The following CDH9 variants were observed in gnomAD, a reference collection of about 807,000 sequenced individuals.
CDH9 encodes cadherin 9.
In CDH9, 28 loss-of-function variants were observed where a neutral mutation model predicts 70.9. The ratio of observed to expected loss-of-function variants is 0.40; its 90% CI spans 0.29 to 0.54. The LOEUF (loss-of-function observed/expected upper bound fraction) is 0.54, where lower values mean the gene tolerates loss of function less well. CDH9 is among the 20% of genes least tolerant of loss of function. CDH9 has a pLI of 0.59. For synonymous variants in CDH9, 409 were observed against 343.1 expected, an observed-to-expected ratio of 1.19 and a Z score of -2.12; for missense variants, 874 against 984.4, an observed-to-expected ratio of 0.89 and a Z score of 1.50.
chr5:26,909,536 CT>C (rs200596019), intron 3 of CDH9, among the ~76,000 whole-genome samples: 9,962 of 140,124 alleles, frequency 0.071, 368 homozygotes, highest in East Asian at 0.14. Context: ...CATTTTTTTT[CT>C]TTTTTTTTTT....
chr5:26,918,900 C>T (rs1741194409), intron 2 of CDH9, among the ~76,000 whole-genome samples: 1 of 152,144 alleles, frequency 6.6e-6, no homozygotes, highest in Non-Finnish European at 1.5e-5. Context: ...TCTTGAGATC[C>T]AATTCCTTAT....
chr5:27,016,735 G>T (rs914378221), intron 1 of CDH9, among the ~76,000 whole-genome samples: 5 of 151,762 alleles, frequency 3.3e-5, no homozygotes, highest in Admixed American at 2.6e-4. Flanking sequence ...GTCAAAACTT[G>T]GGTTATAAGC....
At chr5:26,950,813 G>T (rs1741831694) in intron 2 of CDH9, among the ~76,000 whole-genome samples, 1 of 152,084 alleles carries the variant, frequency 6.6e-6, no homozygotes, top group African/African-American at 2.4e-5. Context: ...AATTATATGA[G>T]TAAAATCCAA....
intron 2 of CDH9, among the ~76,000 whole-genome samples, chr5:26,931,244 C>A (rs779017000): frequency 6.6e-6 from 1 of 151,932 alleles, no homozygotes; most frequent in African/African-American, 2.4e-5. Context: ...AATCCTGCTG[C>A]GAGGAGAAAA....
chr5:26,910,174 A>G (rs1482896761), intron 3 of CDH9, among the ~76,000 whole-genome samples: 1 of 152,090 alleles, frequency 6.6e-6, no homozygotes, highest in African/African-American at 2.4e-5. Context: ...TGAAATATTT[A>G]AAATCGCAAA....
intron 1 of CDH9, among the ~76,000 whole-genome samples, chr5:26,991,367 C>T (rs1742576639): frequency 6.6e-6 from 1 of 152,214 alleles, no homozygotes; most frequent in Non-Finnish European, 1.5e-5. Flanking sequence ...CCCACATGCA[C>T]AGGATGCCTA....
chr5:26,935,358 T>C (rs10072642), intron 2 of CDH9, among the ~76,000 whole-genome samples: 14,681 of 152,146 alleles, frequency 0.096, 888 homozygotes, highest in East Asian at 0.19. Context: ...ATCACTCCTA[T>C]TCAACATATT....
intron 1 of CDH9, among the ~76,000 whole-genome samples, chr5:27,026,679 C>T (rs998553589): frequency 7.9e-5 from 12 of 151,806 alleles, no homozygotes; most frequent in African/African-American, 2.4e-4. Flanking sequence ...ACATTTGGTG[C>T]TAATGCTTGA....
intron 1 of CDH9, among the ~76,000 whole-genome samples, chr5:27,007,038 T>G (rs1742876538): frequency 6.6e-6 from 1 of 152,132 alleles, no homozygotes; most frequent in African/African-American, 2.4e-5. Context: ...TTGATTTATA[T>G]AGCAAGTTTT....
chr5:26,963,282 T>C (rs1170487180), intron 2 of CDH9, among the ~76,000 whole-genome samples: 1 of 152,152 alleles, frequency 6.6e-6, no homozygotes, highest in African/African-American at 2.4e-5. Context: ...CCTAGAAGGA[T>C]AGCAGTGGAT....
At chr5:27,003,057 T>G (rs1461405496) in intron 1 of CDH9, among the ~76,000 whole-genome samples, 1 of 152,098 alleles carries the variant, frequency 6.6e-6, no homozygotes, top group African/African-American at 2.4e-5. Context: ...AATGTTTCGG[T>G]TTTGGATCTT....
At chr5:26,956,943 T>C (rs1741956547) in intron 2 of CDH9, among the ~76,000 whole-genome samples, 1 of 151,642 alleles carries the variant, frequency 6.6e-6, no homozygotes, top group South Asian at 2.1e-4. Context: ...GTCATGGTTG[T>C]ACTCAACAGT....
chr5:26,892,889 T>C (rs148393192), intron 7 of CDH9, among the ~76,000 whole-genome samples: 19,015 of 151,722 alleles, frequency 0.13, 1,798 homozygotes, highest in East Asian at 0.48. Flanking sequence ...CACCACCATG[T>C]CCGGCTAATT....
intron 1 of CDH9, among the ~76,000 whole-genome samples, chr5:26,993,437 T>C (rs937856035): frequency 2.0e-5 from 3 of 152,090 alleles, no homozygotes; most frequent in Non-Finnish European, 4.4e-5. Context: ...TTAGCAAGAA[T>C]AAAACAAAGT....
intron 3 of CDH9, among the ~76,000 whole-genome samples, chr5:26,911,502 GA>G (rs1274093289): frequency 6.6e-6 from 1 of 152,128 alleles, no homozygotes; most frequent in Non-Finnish European, 1.5e-5. Flanking sequence ...GTGTTAGGAA[GA>G]GGACTGGATA....
intron 1 of CDH9, among the ~76,000 whole-genome samples, chr5:27,006,453 T>C (rs1299026635): frequency 6.6e-6 from 1 of 152,074 alleles, no homozygotes; most frequent in Non-Finnish European, 1.5e-5. Context: ...TATTCTCCTC[T>C]ATGCAGCACC....
intron 3 of CDH9, among the ~76,000 whole-genome samples, chr5:26,908,347 T>TA (rs1434574595): frequency 6.6e-6 from 1 of 151,908 alleles, no homozygotes; most frequent in Non-Finnish European, 1.5e-5. Context: ...AGTGTTTTTT[T>TA]TTAATTTACA....
chr5:26,890,440 C>T lies in CDH9; in HGVS notation c.1378G>A (p.Ala460Thr). The T allele has an allele frequency of 6.2e-7, 1 of 1,613,652 alleles. No homozygotes were observed. The highest frequency in any genetic ancestry group is 8.5e-7 in the Non-Finnish European group (1 of 1,179,662). The change falls in exon 8 of 12, where the codon GCC becomes ACC. Residue 460 changes from alanine to threonine, a missense_variant. By Grantham distance (58) the Ala-to-Thr change is moderately conservative. Coordinates refer to ENST00000231021, the MANE Select transcript of CDH9 (RefSeq NM_016279.4). ...AGCTCCAACTTACTTATTTCTGTGG[C>T]TGTAACAGTGATGTTATGCCAAGGA... is the stretch of plus-strand genomic sequence containing the variant. ...SSPWHNITVTATEINNPKQSS... is the reference protein window; with the variant it reads ...SSPWHNITVTTTEINNPKQSS...
At chr5:26,920,164 G>T (rs1391078367) in intron 2 of CDH9, among the ~76,000 whole-genome samples, 1 of 151,980 alleles carries the variant, frequency 6.6e-6, no homozygotes, top group Non-Finnish European at 1.5e-5. Context: ...TGAAGGGAGA[G>T]ACCCAGGCCT....
Sources: allele counts gnomAD v4.1 joint callset (sites outside exome capture counted in the v4.1 genomes callset), GRCh38; gene constraint gnomAD v4.1.1; transcripts MANE v1.5; gene names NCBI Gene and HGNC (gene_info 2026-07-23, HGNC 2026-07-21).